NLK: variants seen among roughly 807,000 people sequenced by gnomAD.
NLK encodes nemo like kinase.
Under a neutral mutation model 59.0 loss-of-function variants are expected in NLK, and 11 were observed. That is an observed-to-expected ratio of 0.19 (90% CI 0.12 to 0.31). The LOEUF is 0.31. NLK is among the 10% of genes least tolerant of loss of function. The pLI, the probability that NLK is intolerant of heterozygous loss-of-function variation, is 1.00. For synonymous variants in NLK, 235 were observed against 235.9 expected (o/e 1.00, Z 0.03); for missense variants, 410 against 661.1 (o/e 0.62, Z 4.16).
At chr17:28,116,223 C>A in intron 1 of NLK, 1 of 169,396 alleles carries the variant, frequency 5.9e-6, no homozygotes, top group East Asian at 1.3e-4. Flanking sequence ...ATAATTCATT[C>A]AACAAAGATC....
intron 8 of NLK, among the ~76,000 whole-genome samples, chr17:28,187,008 A>G (rs1321721587): frequency 6.6e-6 from 1 of 152,254 alleles, no homozygotes; most frequent in Non-Finnish European, 1.5e-5. Flanking sequence ...AAGTTTATCT[A>G]CATAACTAAC....
intron 1 of NLK, among the ~76,000 whole-genome samples, chr17:28,119,941 T>C (rs908570169): frequency 1.3e-5 from 2 of 152,220 alleles, no homozygotes; most frequent in African/African-American, 2.4e-5. Flanking sequence ...GTCTTCAAAG[T>C]AACTGGCCTG....
At chr17:28,060,780 AACAC>A (rs1026373831) in intron 1 of NLK, among the ~76,000 whole-genome samples, 26 of 152,204 alleles carry the variant, frequency 1.7e-4, no homozygotes, top group Non-Finnish European at 1.3e-4. Context: ...GATGTAGTGA[AACAC>A]ACACACACTC....
chr17:28,141,115 T>C (rs1906971731), intron 3 of NLK, among the ~76,000 whole-genome samples: 1 of 152,224 alleles, frequency 6.6e-6, no homozygotes, highest in Non-Finnish European at 1.5e-5. Flanking sequence ...AAGTGGGTAC[T>C]GTGAACAAAT....
At chr17:28,075,250 C>T (rs1910127912) in intron 1 of NLK, among the ~76,000 whole-genome samples, 1 of 152,166 alleles carries the variant, frequency 6.6e-6, no homozygotes, top group Non-Finnish European at 1.5e-5. Flanking sequence ...CAAAAGAAAC[C>T]TCTCTCTAAG....
At chr17:28,051,648 C>T (rs1297046594) in intron 1 of NLK, among the ~76,000 whole-genome samples, 2 of 149,048 alleles carry the variant, frequency 1.3e-5, no homozygotes, top group East Asian at 1.9e-4. Context: ...TGAGCCACTG[C>T]GCCCGGCTTT....
chr17:28,184,571 C>G (rs1291904791), intron 7 of NLK, among the ~76,000 whole-genome samples: 4 of 152,146 alleles, frequency 2.6e-5, no homozygotes, highest in African/African-American at 9.7e-5. Flanking sequence ...AGATGGCTAG[C>G]AGGAGTGCCA....
At chr17:28,143,353 CTT>C (rs553688601) in intron 3 of NLK, among the ~76,000 whole-genome samples, 1 of 152,026 alleles carries the variant, frequency 6.6e-6, no homozygotes, top group South Asian at 2.1e-4. Flanking sequence ...AAGATGAAAA[CTT>C]TTAAAAAAGG....
At chr17:28,088,908 C>T (rs1904377722) in intron 1 of NLK, among the ~76,000 whole-genome samples, 1 of 152,110 alleles carries the variant, frequency 6.6e-6, no homozygotes, top group South Asian at 2.1e-4. Flanking sequence ...ACTTCAAATT[C>T]AAATGATTAA....
chr17:28,099,671 C>T (rs1168124802), intron 1 of NLK, among the ~76,000 whole-genome samples: 5 of 149,726 alleles, frequency 3.3e-5, no homozygotes, highest in East Asian at 1.9e-4. Flanking sequence ...CTCCGCTTCC[C>T]GGGTTCACGC....
chr17:28,061,869 C>T (rs1318446624), intron 1 of NLK: 2 of 138,440 alleles, frequency 1.4e-5, no homozygotes, highest in Non-Finnish European at 3.1e-5. Context: ...TATACATATA[C>T]ATATATATAA....
At chr17:28,094,593 T>G (rs920825221) in intron 1 of NLK, among the ~76,000 whole-genome samples, 1 of 152,178 alleles carries the variant, frequency 6.6e-6, no homozygotes, top group Non-Finnish European at 1.5e-5. Context: ...ATTTCAAACA[T>G]TGCCATCCCT....
chr17:28,170,045 G>A (rs1908400814), intron 6 of NLK, among the ~76,000 whole-genome samples: 1 of 152,148 alleles, frequency 6.6e-6, no homozygotes, highest in Admixed American at 6.5e-5. Flanking sequence ...GATTCTCTGA[G>A]GATATAACAT....
intron 1 of NLK, among the ~76,000 whole-genome samples, chr17:28,112,234 CAG>C (rs1905554781): frequency 6.6e-6 from 1 of 152,124 alleles, no homozygotes; most frequent in African/African-American, 2.4e-5. Context: ...CTTTGAATAA[CAG>C]AGCTATAGGC....
intron 1 of NLK, among the ~76,000 whole-genome samples, chr17:28,106,094 G>A (rs185082802): frequency 6.6e-6 from 1 of 152,242 alleles, no homozygotes; most frequent in East Asian, 1.9e-4. Flanking sequence ...TCCAGATTAT[G>A]GTTGGAGAAC....
intron 2 of NLK, among the ~76,000 whole-genome samples, chr17:28,124,345 G>A (rs546167025): frequency 1.1e-4 from 16 of 151,910 alleles, no homozygotes; most frequent in Non-Finnish European, 1.5e-4. Context: ...ACAACATAAC[G>A]AGACCTCATC....
intron 3 of NLK, 137 bp downstream of exon 3, chr17:28,132,812 A>G (rs1039969590): frequency 5.5e-6 from 4 of 723,626 alleles, no homozygotes; most frequent in African/African-American, 3.6e-5. Context: ...GGAACCAGGT[A>G]ATTTTGAAAT....
At chr17:28,182,514 G>C (rs1040205681) in intron 7 of NLK, among the ~76,000 whole-genome samples, 1 of 152,108 alleles carries the variant, frequency 6.6e-6, no homozygotes, top group African/African-American at 2.4e-5. Flanking sequence ...GAAATGGCAG[G>C]AGCTTTCTGT....
chr17:28,143,815 A>C (rs545934264), intron 3 of NLK, among the ~76,000 whole-genome samples: 1 of 152,364 alleles, frequency 6.6e-6, no homozygotes, highest in Admixed American at 6.5e-5. Flanking sequence ...TACATAAGAC[A>C]GTATCACAAC....
Sources: allele counts gnomAD v4.1 joint callset (sites outside exome capture counted in the v4.1 genomes callset), GRCh38; gene constraint gnomAD v4.1.1; transcripts MANE v1.5; gene names NCBI Gene and HGNC (gene_info 2026-07-23, HGNC 2026-07-21).